The following ARHGEF3 variants were observed in gnomAD, a reference collection of about 807,000 sequenced individuals.
The protein encoded by ARHGEF3 is 59.8 kDA protein.
Under a neutral mutation model 63.2 loss-of-function variants are expected in ARHGEF3, and 28 were observed. That is an observed-to-expected ratio of 0.44 (90% CI 0.33 to 0.61). The LOEUF (loss-of-function observed/expected upper bound fraction) is 0.61, where lower values mean the gene tolerates loss of function less well. ARHGEF3 is among the 20% of genes least tolerant of loss of function. ARHGEF3 has a pLI of 0.03. For missense variants in ARHGEF3, 533 were observed against 659.3 expected, an observed-to-expected ratio of 0.81 and a Z score of 2.10; for synonymous variants, 266 against 254.2, an observed-to-expected ratio of 1.05 and a Z score of -0.44.
At chr3:56,975,394 G>A (rs868059588) in intron 2 of ARHGEF3, among the ~76,000 whole-genome samples, 14 of 151,786 alleles carry the variant, frequency 9.2e-5, no homozygotes, top group African/African-American at 3.4e-4. Flanking sequence ...CTCCAGCCTG[G>A]GCAACAGAGC....
intron 3 of ARHGEF3, among the ~76,000 whole-genome samples, chr3:56,952,187 C>T (rs1364409821): frequency 6.6e-6 from 1 of 151,976 alleles, no homozygotes; most frequent in Non-Finnish European, 1.5e-5. Context: ...GGCTCTTCCT[C>T]AAGTCAGAGA....
chr3:56,996,741 A>G (rs1268370114), intron 2 of ARHGEF3, among the ~76,000 whole-genome samples: 2 of 152,198 alleles, frequency 1.3e-5, no homozygotes, highest in Non-Finnish European at 2.9e-5. Context: ...CTTACAGAAT[A>G]AAATCCAAGA....
intron 2 of ARHGEF3, among the ~76,000 whole-genome samples, chr3:56,985,039 C>T (rs1407517211): frequency 6.6e-6 from 1 of 152,198 alleles, no homozygotes; most frequent in Non-Finnish European, 1.5e-5. Context: ...ATGAATGCTT[C>T]TGAAGAAAAG....
intron 1 of ARHGEF3, among the ~76,000 whole-genome samples, chr3:57,061,554 A>G (rs1323587505): frequency 6.6e-6 from 1 of 152,204 alleles, no homozygotes; most frequent in Non-Finnish European, 1.5e-5. Flanking sequence ...AGACATTTGT[A>G]TTATTTTTAC....
At chr3:56,967,872 T>C (rs1578980395) in intron 2 of ARHGEF3, among the ~76,000 whole-genome samples, 1 of 61,696 alleles carries the variant, frequency 1.6e-5, no homozygotes, top group Admixed American at 3.1e-4. Context: ...ACATATATAA[T>C]ATATAATATA....
chr3:56,790,143 T>G (rs1053799181), intron 1 of ARHGEF3, among the ~76,000 whole-genome samples: 3 of 152,202 alleles, frequency 2.0e-5, no homozygotes, highest in Non-Finnish European at 2.9e-5. Context: ...AGAACCAGCT[T>G]AGAAATAAAT....
chr3:56,923,616 C>A (rs1375002624), intron 3 of ARHGEF3, among the ~76,000 whole-genome samples: 1 of 152,094 alleles, frequency 6.6e-6, no homozygotes, highest in African/African-American at 2.4e-5. Context: ...ACAATGCTGA[C>A]TTCCCTGAAA....
Position 57,009,802 on chromosome 3 carries a change from T to G in ARHGEF3, c.62+25286A>C, listed in dbSNP as rs542385711. Among the ~76,000 whole-genome samples, 4 of 152,162 alleles carry G rather than the reference T, an allele frequency of 2.6e-5. No individual in the cohort carries two copies. In the South Asian group the frequency reaches 8.3e-4, roughly 32 times the overall value. ...CAGTTCTCAAACCAGCCCATCTCAT[T>G]GGAGGTGGTAATAATAATCATGTTA... On this transcript the variant is annotated intron_variant, in intron 2 of 12. Coordinates refer to the ARHGEF3 transcript ENST00000338458.
intron 4 of ARHGEF3, among the ~76,000 whole-genome samples, chr3:56,852,675 G>A (rs80217338): frequency 9.4e-4 from 138 of 147,084 alleles, no homozygotes; most frequent in African/African-American, 3.0e-3. Context: ...AAAACCTACC[G>A]AATTGTCACA....
chr3:56,795,655 C>CTTTTTTTT lies in ARHGEF3; in HGVS notation c.96+6040_96+6047dup, dbSNP rs11306302. Among the ~76,000 whole-genome samples the CTTTTTTTT allele has an allele frequency of 5.3e-4, 69 of 130,558 alleles. 5 individuals are homozygous for CTTTTTTTT. The highest frequency in any genetic ancestry group is 1.1e-3 in the East Asian group (4 of 3,780). 85.7% of individuals were successfully genotyped at this position (130,558 alleles called of 152,430 possible). A position where few individuals can be genotyped will look rare whatever the true frequency, so the allele number is the denominator to read the frequency against. On this transcript the variant is annotated intron_variant, in intron 1 of 9. Transcript: ENST00000296315. ...TTAACTTGTGACACAGTCTCTCTCT[C>CTTTTTTTT]TTTTTTTTTTTTGAAGATGGACTCT... is the stretch of plus-strand genomic sequence containing the variant.
chr3:56,733,281 TAA>T (rs535444706), intron 8 of ARHGEF3, among the ~76,000 whole-genome samples: 13,630 of 87,378 alleles, frequency 0.16, 1,171 homozygotes, highest in South Asian at 0.37. Flanking sequence ...AGACTCCATC[TAA>T]AAAAAAAAAA....
intron 2 of ARHGEF3, among the ~76,000 whole-genome samples, chr3:56,998,000 A>C (rs1416046476): frequency 2.6e-5 from 4 of 152,196 alleles, no homozygotes; most frequent in Non-Finnish European, 2.9e-5. Flanking sequence ...GGCGGACAAG[A>C]CTTAATTAAC....
At chr3:56,843,631 C>T (rs748561608) in intron 4 of ARHGEF3, among the ~76,000 whole-genome samples, 4 of 152,142 alleles carry the variant, frequency 2.6e-5, no homozygotes, top group Non-Finnish European at 5.9e-5. Context: ...CATCTTTCAC[C>T]ATCTTTCTTT....
chr3:56,931,957 T>G (rs1023118899), intron 3 of ARHGEF3, among the ~76,000 whole-genome samples: 2 of 152,192 alleles, frequency 1.3e-5, no homozygotes, highest in Non-Finnish European at 2.9e-5. Context: ...ATGGGGTTTT[T>G]TTGTTGTTGT....
chr3:56,898,311 G>A (rs1157156991), intron 3 of ARHGEF3, among the ~76,000 whole-genome samples: 2 of 152,162 alleles, frequency 1.3e-5, no homozygotes. Flanking sequence ...CCAGGTTCAA[G>A]CAATTAGCCT....
chr3:56,754,761 T>A (rs2034968212), intron 3 of ARHGEF3, among the ~76,000 whole-genome samples: 2 of 152,220 alleles, frequency 1.3e-5, no homozygotes, highest in Non-Finnish European at 2.9e-5. Flanking sequence ...TCTTGTAAAT[T>A]CATATTTTCA....
At chr3:56,994,205 T>C (rs1183131967) in intron 2 of ARHGEF3, among the ~76,000 whole-genome samples, 1 of 151,734 alleles carries the variant, frequency 6.6e-6, no homozygotes, top group African/African-American at 2.4e-5. Context: ...GATACAACTC[T>C]ACATGAAACT....
At chr3:56,870,314 T>C (rs537968950) in intron 4 of ARHGEF3, among the ~76,000 whole-genome samples, 1 of 152,208 alleles carries the variant, frequency 6.6e-6, no homozygotes, top group East Asian at 1.9e-4. Flanking sequence ...TACCAAGTCA[T>C]GAAAAGACAT....
chr3:56,864,669 T>C (rs971713375), intron 4 of ARHGEF3, among the ~76,000 whole-genome samples: 22 of 152,158 alleles, frequency 1.4e-4, no homozygotes, highest in Admixed American at 2.6e-4. Flanking sequence ...GCTCAGTCAA[T>C]GTGAATATCA....
Sources: allele counts gnomAD v4.1 joint callset (sites outside exome capture counted in the v4.1 genomes callset), GRCh38; gene constraint gnomAD v4.1.1; transcripts MANE v1.5; gene names NCBI Gene and HGNC (gene_info 2026-07-23, HGNC 2026-07-21).